The following NCOR2 variants were observed in gnomAD, a reference collection of about 807,000 sequenced individuals.
The protein encoded by NCOR2 is CTG repeat protein 26.
Under a neutral mutation model 262.9 loss-of-function variants are expected in NCOR2, and 81 were observed. That is an observed-to-expected ratio of 0.31 (90% CI 0.26 to 0.37). The LOEUF (loss-of-function observed/expected upper bound fraction) is 0.37. NCOR2 is among the 10% of genes least tolerant of loss of function. The pLI is 1.00. For missense variants in NCOR2, 3,385 were observed against 3,621.4 expected (o/e 0.93, Z 1.68); for synonymous variants, 1,659 against 1,559.3 (o/e 1.06, Z -1.51).
chr12:124,340,793 G>C (rs1195530744), intron 34 of NCOR2, 42 bp from the exon 37 acceptor site: 2 of 1,465,510 alleles, frequency 1.4e-6, no homozygotes, highest in Non-Finnish European at 1.8e-6. Context: ...ACAGGGAGGA[G>C]AGAGGCCAGG....
chr12:124,493,309 A>C (rs2048195902), intron 1 of NCOR2, among the ~76,000 whole-genome samples: 1 of 152,218 alleles, frequency 6.6e-6, no homozygotes, highest in Non-Finnish European at 1.5e-5. Flanking sequence ...AGAAGCCAGC[A>C]GCACCCCCAG....
At chr12:124,333,797 AGCATGT>A (rs1007628654) in intron 41 of NCOR2, among the ~76,000 whole-genome samples, 146 of 151,260 alleles carry the variant, frequency 9.7e-4, no homozygotes, top group Admixed American at 1.6e-3. Context: ...AGTGTGCGTG[AGCATGT>A]GCATGTGCCT....
In NCOR2 at chr12:124,457,231, T is replaced by G; in HGVS notation, c.706-69A>C. On this transcript the variant is annotated intron_variant, in intron 5 of 46. Transcript: ENST00000405201. This position sits in a 1 kb window ranked among gnomAD's most constrained non-coding sequence, Gnocchi z 4.0. ...AAAAACACAGATTATAAATAGAGGC[T>G]TCCCGGAGCAGCGGGCACCTGCCCA... The G allele has an allele frequency of 7.7e-6, 11 of 1,431,640 alleles. No individual in the cohort carries two copies. Among genetic ancestry groups the G allele is most frequent in the South Asian group, 1.4e-5 (1 of 72,578 alleles). 88.7% of individuals were successfully genotyped at this position (1,431,640 alleles called of 1,614,324 possible).
At chr12:124,545,753 C>T (rs1445559403) in intron 1 of NCOR2, among the ~76,000 whole-genome samples, 1 of 151,840 alleles carries the variant, frequency 6.6e-6, no homozygotes, top group Non-Finnish European at 1.5e-5. Context: ...TGCTTCCCTG[C>T]GCCGCCCCGT....
intron 41 of NCOR2, among the ~76,000 whole-genome samples, chr12:124,334,028 G>GTGTGTGCGCGCATGTGTGTGTGCACGCAT (rs1593094229): frequency 6.6e-6 from 1 of 150,408 alleles, no homozygotes; most frequent in Admixed American, 6.6e-5. Flanking sequence ...GTGCATGTGT[G>GTGTGTGCGCGCATGTGTGTGTGCACGCAT]GAAAGGCTGC....
At chr12:124,497,648 G>A (rs567085286), upstream of NCOR2, among the ~76,000 whole-genome samples, 5 of 152,340 alleles carry the variant, frequency 3.3e-5, no homozygotes, top group African/African-American at 1.2e-4. This position sits in a 1 kb window ranked among gnomAD's most constrained non-coding sequence, Gnocchi z 4.2. Flanking sequence ...ACATGAAGAC[G>A]TCTGTGCATA....
Position 124,416,734 on chromosome 12 carries a change from G to A in NCOR2, c.1482+3223C>T, listed in dbSNP as rs538354662. ...AGAACCCGCGGCACAGGGAGTCCCCGCGGCACAGATAGACCCCGCGGCACA... is the reference window on the plus strand; with the variant it reads ...AGAACCCGCGGCACAGGGAGTCCCCACGGCACAGATAGACCCCGCGGCACA... On this transcript the variant is annotated intron_variant, in intron 13 of 46. Coordinates refer to ENST00000405201, the Ensembl canonical transcript of NCOR2. 5.7e-3 allele frequency among the ~76,000 whole-genome samples: 827 copies of A among 145,132 alleles called. 6 individuals carry two copies. Among genetic ancestry groups the A allele is most frequent in the Non-Finnish European group, 8.6e-3 (574 of 66,750 alleles).
intron 1 of NCOR2, among the ~76,000 whole-genome samples, chr12:124,515,797 TGA>T (rs1167167609): frequency 6.6e-6 from 1 of 151,852 alleles, no homozygotes; most frequent in Non-Finnish European, 1.5e-5. Flanking sequence ...TGTGCATGTG[TGA>T]GTGTGCGCGT....
intron 1 of NCOR2, among the ~76,000 whole-genome samples, chr12:124,502,229 G>A (rs1476185256): frequency 6.6e-6 from 1 of 152,248 alleles, no homozygotes; most frequent in Non-Finnish European, 1.5e-5. Flanking sequence ...GGGGTGAAGA[G>A]AGAGCTCCTG....
intron 32 of NCOR2, among the ~76,000 whole-genome samples, chr12:124,344,327 C>A (rs74503926): frequency 3.9e-5 from 6 of 152,106 alleles, no homozygotes; most frequent in Non-Finnish European, 8.8e-5. Flanking sequence ...AGAAAGTATC[C>A]GGGTAGCTGT....
intron 1 of NCOR2, among the ~76,000 whole-genome samples, chr12:124,559,292 A>G (rs2051992728): frequency 6.6e-6 from 1 of 152,210 alleles, no homozygotes; most frequent in Non-Finnish European, 1.5e-5. Flanking sequence ...ACGCACTTGC[A>G]ATATTGCCTC....
chr12:124,372,212 C>T (rs745553471), exon 20 of NCOR2: 1 of 1,601,662 alleles, frequency 6.2e-7, no homozygotes. Flanking sequence ...TTGGCCGGCC[C>T]CTCCTCGGCT....
chr12:124,422,653 G>C (rs1215635569), intron 11 of NCOR2, 98 bp from the exon 14 acceptor site: 2 of 1,439,158 alleles, frequency 1.4e-6, no homozygotes, highest in Non-Finnish European at 9.6e-7. Flanking sequence ...CCACTGGCCG[G>C]GCCTGGCGGG....
chr12:124,439,690 G>A (rs2136431859), intron 7 of NCOR2, among the ~76,000 whole-genome samples: 1 of 151,842 alleles, frequency 6.6e-6, no homozygotes, highest in Non-Finnish European at 1.5e-5. Context: ...GACAGGAGAT[G>A]AGACTGAGAG....
intron 1 of NCOR2, among the ~76,000 whole-genome samples, chr12:124,541,533 A>G (rs1275869283): frequency 5.6e-4 from 4 of 7,100 alleles, no homozygotes; most frequent in Non-Finnish European, 7.4e-4. Flanking sequence ...GGAGATGGAG[A>G]GGGAAGGGGA....
intron 1 of NCOR2, among the ~76,000 whole-genome samples, chr12:124,507,127 G>A (rs575017909): frequency 5.9e-5 from 9 of 152,222 alleles, no homozygotes; most frequent in African/African-American, 1.2e-4. Flanking sequence ...GATTCCACTC[G>A]TAGGAGGTGG....
intron 1 of NCOR2, among the ~76,000 whole-genome samples, chr12:124,505,705 G>C (rs576393062): frequency 6.6e-6 from 1 of 152,206 alleles, no homozygotes; most frequent in South Asian, 2.1e-4. Flanking sequence ...GCAGTTCTCG[G>C]CCCACAGAAG....
intron 5 of NCOR2, among the ~76,000 whole-genome samples, chr12:124,464,180 T>C (rs1190177540): frequency 1.3e-5 from 2 of 152,048 alleles, no homozygotes; most frequent in Non-Finnish European, 2.9e-5. Flanking sequence ...CAGTATTAAG[T>C]AGAGGGTTGA....
At chr12:124,557,067 T>G (rs2051907561) in intron 1 of NCOR2, among the ~76,000 whole-genome samples, 1 of 152,104 alleles carries the variant, frequency 6.6e-6, no homozygotes, top group African/African-American at 2.4e-5. Flanking sequence ...GGGTAGAGCC[T>G]CACGGCCCAG....
Sources: gnomAD v4.1 joint callset for allele counts (sites outside exome capture counted in the v4.1 genomes callset) on GRCh38, gnomAD v4.1.1 for gene constraint, Gnocchi (gnomAD v3.1) non-coding constraint, MANE v1.5 for transcripts, NCBI Gene and HGNC (gene_info 2026-07-23, HGNC 2026-07-21) for gene names.